The following IL27RA variants were observed in gnomAD, a reference collection of about 807,000 sequenced individuals.
The protein encoded by IL27RA is interleukin-27 receptor subunit alpha.
IL27RA carries 61 observed loss-of-function variants against 80.8 expected under a neutral mutation model. The observed-to-expected ratio is 0.76, with a 90% CI of 0.61 to 0.93. IL27RA has a LOEUF of 0.93. Among genes scored for constraint, IL27RA ranks in the 40% least tolerant of loss-of-function variants. IL27RA has a pLI of 0.00. For synonymous variants in IL27RA, 316 were observed against 332.5 expected, an observed-to-expected ratio of 0.95 and a Z score of 0.54; for missense variants, 735 against 808.1, an observed-to-expected ratio of 0.91 and a Z score of 1.10.
chr19:14,049,298 C>T lies in IL27RA; in HGVS notation c.1386C>T (p.Pro462=), dbSNP rs746225753. 1 of 1,613,608 alleles carries T rather than the reference C, an allele frequency of 6.2e-7. No homozygotes were observed. The highest frequency in any genetic ancestry group is 1.1e-5 in the South Asian group (1 of 91,030). The change falls in exon 10 of 14, where the codon CCC becomes CCT. Residue 462 remains proline (P), a synonymous_variant. Transcript: ENST00000263379. ...YTLCAQSGTS[P]SVCMNVSGNT... is the part of the protein sequence containing the mutation. ...TGTGTGCACAGAGTGGAACCAGCCC[C>T]TCCGTCTGCATGAATGGTGAGCTTC...
At chr19:14,041,224 G>C (rs1323867635) in intron 4 of IL27RA, among the ~76,000 whole-genome samples, 1 of 144,274 alleles carries the variant, frequency 6.9e-6, no homozygotes, top group African/African-American at 2.6e-5. Flanking sequence ...TTGAGACGGA[G>C]TCTCACTGTG....
chr19:14,042,887 C>A, intron 6 of IL27RA, 98 bp downstream of exon 6: 1 of 1,109,878 alleles, frequency 9.0e-7, no homozygotes, highest in Non-Finnish European at 1.4e-6. Flanking sequence ...GCTTGTAATC[C>A]CAACACTGCT....
At chr19:14,050,998 T>A in intron 11 of IL27RA, 115 bp downstream of exon 11, 1 of 1,135,122 alleles carries the variant, frequency 8.8e-7, no homozygotes, top group Non-Finnish European at 1.2e-6. Context: ...CCTGTAATCC[T>A]AACACTCTGG....
chr19:14,051,002 ACT>A lies in IL27RA; in HGVS notation c.1528+122_1528+123del. 2.8e-6 allele frequency: 3 copies of A among 1,065,934 alleles called. No individual in the cohort carries two copies. The South Asian group carries it at 6.2e-5, about 22-fold the overall frequency. The allele number at this position is 1,065,934 out of a possible 1,614,324, so 66.0% of individuals were successfully genotyped here. A position where few individuals can be genotyped will look rare whatever the true frequency, so the allele number is the denominator to read the frequency against. On this transcript the variant is annotated intron_variant, in intron 11 of 13. Transcript: ENST00000263379. ...AGTGGCTCACCCCTGTAATCCTAACACTCTGGGAGGCTGAGGCAGGTGGATCA... is the reference window on the plus strand; with the variant it reads ...AGTGGCTCACCCCTGTAATCCTAACACTGGGAGGCTGAGGCAGGTGGATCA...
Position 14,046,491 on chromosome 19 carries a change from G to A in IL27RA, c.1014G>A (p.Leu338=), listed in dbSNP as rs536451159. 5.2e-5 allele frequency: 84 copies of A among 1,614,130 alleles called. No individual in the cohort carries two copies. The South Asian group carries it at 9.1e-4, about 18-fold the overall frequency. Residue 338 remains leucine, a synonymous_variant, in exon 8 of 14, where the codon CTG becomes CTA. Transcript: ENST00000263379. Reference sequence around the variant, plus strand: ...GCATCGCTGGGAGCACGGAGCTACTGGTGACCTGGCAACCGGGGCCTGGGG... The same window carrying A: ...GCATCGCTGGGAGCACGGAGCTACTAGTGACCTGGCAACCGGGGCCTGGGG... ...VSSIAGSTEL[L]VTWQPGPGEP... is the part of the protein sequence containing the mutation.
rs764291163 is a variant in IL27RA, at chr19:14,042,754, A to T, written c.733A>T (p.Thr245Ser). ...GTGGGTATCAGGGAACCTCTGTGGGACGCCTGGAGGAGAGGAACCTTTGCT... is the reference window on the plus strand; with the variant it reads ...GTGGGTATCAGGGAACCTCTGTGGGTCGCCTGGAGGAGAGGAACCTTTGCT... ...DVWVSGNLCG[T>S]PGGEEPLLLW... The change falls in exon 6 of 14, where the codon ACG (threonine) becomes TCG (serine). Residue 245 changes from threonine (T) to serine (S), a missense_variant. Coordinates refer to ENST00000263379, the MANE Select transcript of IL27RA (RefSeq NM_004843.4). 24 of 1,614,104 alleles carry T rather than the reference A, an allele frequency of 1.5e-5. No individual in the cohort carries two copies. Among genetic ancestry groups the T allele is most frequent in the Non-Finnish European group, 1.9e-5 (22 of 1,180,018 alleles).
intron 2 of IL27RA, among the ~76,000 whole-genome samples, chr19:14,037,628 T>C (rs1408092372): frequency 6.6e-6 from 1 of 152,154 alleles, no homozygotes; most frequent in Non-Finnish European, 1.5e-5. Flanking sequence ...TTCCTCTTCC[T>C]GGAATGCTGT....
chr19:14,032,931 CA>C (rs1975843972), intron 2 of IL27RA, among the ~76,000 whole-genome samples: 7 of 151,680 alleles, frequency 4.6e-5, no homozygotes, highest in Admixed American at 4.6e-4. Flanking sequence ...TCACCCTGGG[CA>C]AGTCACTTTC....
Position 14,049,377 on chromosome 19 carries a change from C to A in IL27RA, c.1402+63C>A, listed in dbSNP as rs1357664248. On this transcript the variant is annotated intron_variant, in intron 10 of 13. Coordinates refer to ENST00000263379, the MANE Select transcript of IL27RA (RefSeq NM_004843.4). Reference sequence around the variant, plus strand: ...CCACAAGACCCACCCATCAGTCAGCCCCACCCCTTGTCCCCACGTGGGCCT... The same window carrying A: ...CCACAAGACCCACCCATCAGTCAGCACCACCCCTTGTCCCCACGTGGGCCT... 3 of 1,547,884 alleles carry A rather than the reference C, an allele frequency of 1.9e-6. No individual in the cohort carries two copies. In the African/African-American group the frequency reaches 4.1e-5, roughly 21 times the overall value.
At chr19:14,046,652 G>A (rs750376466) in intron 8 of IL27RA, 34 bp downstream of exon 8, 6 of 1,538,204 alleles carry the variant, frequency 3.9e-6, no homozygotes, top group South Asian at 2.5e-5. Context: ...CTCCATCCCC[G>A]CTGTTAGAGC....
intron 2 of IL27RA, among the ~76,000 whole-genome samples, chr19:14,034,296 A>C (rs1317596381): frequency 6.6e-6 from 1 of 152,164 alleles, no homozygotes; most frequent in Non-Finnish European, 1.5e-5. Context: ...AGAGGAAAAG[A>C]GTCAATGAAA....
chr19:14,038,483 C>T (rs1439397282), intron 2 of IL27RA, among the ~76,000 whole-genome samples: 1 of 149,040 alleles, frequency 6.7e-6, no homozygotes, highest in Non-Finnish European at 1.5e-5. Context: ...GAGGCTGAGG[C>T]AGGAGGATTG....
At chr19:14,051,730 C>T (rs373286966) in intron 12 of IL27RA, 30 bp downstream of exon 12, 1,126 of 1,537,954 alleles carry the variant, frequency 7.3e-4, no homozygotes, top group Non-Finnish European at 8.7e-4. Flanking sequence ...GCATCTCTAC[C>T]CACGTGGGGA....
intron 2 of IL27RA, among the ~76,000 whole-genome samples, chr19:14,033,037 G>A (rs1975845459): frequency 6.6e-6 from 1 of 151,154 alleles, no homozygotes; most frequent in Non-Finnish European, 1.5e-5. Context: ...TTGGGAGGCC[G>A]AGGCGGGAGG....
intron 2 of IL27RA, among the ~76,000 whole-genome samples, chr19:14,038,927 A>T (rs1188286201): frequency 6.7e-6 from 1 of 150,066 alleles, no homozygotes; most frequent in Non-Finnish European, 1.5e-5. Flanking sequence ...GAAGGAAGGG[A>T]GGGAGGGAGG....
rs573993605 is a variant in IL27RA at position 14,032,052 on chromosome 19, C to A, written c.100+80C>A. The A allele has an allele frequency of 1.3e-3, 1,699 of 1,264,048 alleles. 8 individuals carry two copies. The highest frequency in any genetic ancestry group is 0.011 in the African/African-American group (713 of 67,268). 78.3% of individuals were successfully genotyped at this position (1,264,048 alleles called of 1,614,324 possible). On this transcript the variant is annotated intron_variant, in intron 1 of 13. Coordinates refer to ENST00000263379, the MANE Select transcript of IL27RA (RefSeq NM_004843.4). ...GGCGCCAGTGCTCCAGGATAAGCCACGCGTATGCAGAGCGAACGGTAGAGG... is the reference window on the plus strand; with the variant it reads ...GGCGCCAGTGCTCCAGGATAAGCCAAGCGTATGCAGAGCGAACGGTAGAGG...
rs766671315 is a variant in IL27RA, at chr19:14,046,158, C to G, written c.773C>G (p.Pro258Arg). 6.2e-7 allele frequency: 1 copy of G among 1,613,828 alleles called. No homozygotes were observed. The highest frequency in any genetic ancestry group is 8.5e-7 in the Non-Finnish European group (1 of 1,179,830). Residue 258 changes from proline (P) to arginine (R), a missense_variant, in exon 7 of 14, where the codon CCA (proline) becomes CGA (arginine). By Grantham distance (103) the Pro-to-Arg change is moderately radical (BLOSUM62 -2). Transcript: ENST00000263379. ...CTTTTTCCCTTCATCTCTCAGGCCCCAGGGCCCTGTGTGCAGGTGAGCTAC... is the reference window on the plus strand; with the variant it reads ...CTTTTTCCCTTCATCTCTCAGGCCCGAGGGCCCTGTGTGCAGGTGAGCTAC... ...GEEPLLLWKA[P>R]GPCVQVSYKV... is the part of the protein sequence containing the mutation.
chr19:14,048,489 C>A (rs563969897), intron 8 of IL27RA, among the ~76,000 whole-genome samples: 4 of 152,234 alleles, frequency 2.6e-5, no homozygotes, highest in Non-Finnish European at 5.9e-5. Flanking sequence ...ATGGTAGGTG[C>A]TGTCAGTTGC....
In IL27RA at chr19:14,052,077, C is replaced by G. The variant is rs373689505; in HGVS notation, c.1717-19C>G. The G allele has an allele frequency of 2.5e-6, 4 of 1,609,550 alleles. No homozygotes were observed. The highest frequency in any genetic ancestry group is 3.4e-6 in the Non-Finnish European group (4 of 1,178,346). On this transcript the variant is annotated intron_variant, in intron 13 of 13. Transcript: ENST00000263379. ...GGTCGGGGAGGCTGGGGCAGGATTACAGGCTCATCTCTTCCCAGCAAGTAC... is the reference window on the plus strand; with the variant it reads ...GGTCGGGGAGGCTGGGGCAGGATTAGAGGCTCATCTCTTCCCAGCAAGTAC...
Sources: allele counts gnomAD v4.1 joint callset (sites outside exome capture counted in the v4.1 genomes callset), GRCh38; gene constraint gnomAD v4.1.1; transcripts MANE v1.5; gene names NCBI Gene and HGNC (gene_info 2026-07-23, HGNC 2026-07-21).